The following ARHGEF28 variants were observed in gnomAD, a reference collection of about 807,000 sequenced individuals.
ARHGEF28 encodes the protein Rho guanine nucleotide exchange factor 28.
A neutral mutation model predicts 206.6 loss-of-function variants in ARHGEF28; 152 were observed. The ratio of observed to expected loss-of-function variants is 0.74; its 90% CI spans 0.64 to 0.84. ARHGEF28 has a LOEUF of 0.84. Among genes scored for constraint, ARHGEF28 ranks in the 40% least tolerant of loss-of-function variants. The probability of loss-of-function intolerance (pLI) is 0.00; values close to 1 mark genes in which losing one functional copy is unlikely to be tolerated. For synonymous variants in ARHGEF28, 763 were observed against 776.4 expected, an observed-to-expected ratio of 0.98 and a Z score of 0.29; for missense variants, 2,028 against 2,073.2, an observed-to-expected ratio of 0.98 and a Z score of 0.42.
intron 2 of ARHGEF28, among the ~76,000 whole-genome samples, chr5:73,691,657 A>G (rs1332264676): frequency 6.6e-6 from 1 of 152,210 alleles, no homozygotes; most frequent in East Asian, 1.9e-4. Context: ...CTGTATTCAT[A>G]TATACATATA....
chr5:73,784,064 C>G (rs528983221), intron 7 of ARHGEF28, among the ~76,000 whole-genome samples: 54 of 151,850 alleles, frequency 3.6e-4, no homozygotes, highest in Non-Finnish European at 6.2e-4. Context: ...TTTGTCCATT[C>G]ATGAGTCTGG....
chr5:73,652,579 T>A (rs1351671421), intron 1 of ARHGEF28, among the ~76,000 whole-genome samples: 1 of 152,158 alleles, frequency 6.6e-6, no homozygotes, highest in African/African-American at 2.4e-5. Context: ...TAATAAGAAA[T>A]AAAGAGTCTT....
At chr5:73,741,385 G>GTATATATATATA (rs67973637) in intron 2 of ARHGEF28, among the ~76,000 whole-genome samples, 3 of 21,856 alleles carry the variant, frequency 1.4e-4, no homozygotes, top group Non-Finnish European at 2.3e-4. Context: ...GTGTGTGTGT[G>GTATATATATATA]TATATATATA....
At chr5:73,783,347 T>C (rs1753957376) in intron 7 of ARHGEF28, among the ~76,000 whole-genome samples, 1 of 68,564 alleles carries the variant, frequency 1.5e-5, no homozygotes, top group Non-Finnish European at 2.7e-5. Context: ...TGGAATATAG[T>C]GTGTGTGTGT....
chr5:73,742,320 G>A (rs1751481527), intron 2 of ARHGEF28, among the ~76,000 whole-genome samples: 1 of 151,972 alleles, frequency 6.6e-6, no homozygotes, highest in Non-Finnish European at 1.5e-5. Flanking sequence ...TGCTGATATA[G>A]TTGGATGTAT....
At chr5:73,639,165 A>C (rs897508051) in intron 1 of ARHGEF28, among the ~76,000 whole-genome samples, 10 of 151,430 alleles carry the variant, frequency 6.6e-5, no homozygotes, top group African/African-American at 1.9e-4. Context: ...GGCCAAACTT[A>C]CATGAAGTAT....
At chr5:73,925,482 G>T (rs532020015) in intron 35 of ARHGEF28, among the ~76,000 whole-genome samples, 1 of 152,304 alleles carries the variant, frequency 6.6e-6, no homozygotes, top group African/African-American at 2.4e-5. Context: ...TTTGCTTTAT[G>T]CAGTTTATTT....
rs371485993 is a variant in ARHGEF28 at position 73,901,233 on chromosome 5, C to T, written c.4023C>T (p.Pro1341=). The T allele has an allele frequency of 5.0e-5, 81 of 1,613,004 alleles. No individual in the cohort carries two copies. Among genetic ancestry groups the T allele is most frequent in the Non-Finnish European group, 6.2e-5 (73 of 1,179,578 alleles). The change falls in exon 31 of 36, where the codon CCC becomes CCT. Residue 1341 remains proline, a synonymous_variant. Transcript: ENST00000513042. ...REGRGCSDVD[P]GIQGVVTDLA... is the part of the protein sequence containing the mutation. ...GAAGAGGCTGTTCGGATGTGGATCC[C>T]GGGATCCAGGGTGTGGTAACCGACT... is the stretch of plus-strand genomic sequence containing the variant.
chr5:73,705,255 C>T (rs1748866336), intron 2 of ARHGEF28, among the ~76,000 whole-genome samples: 1 of 152,138 alleles, frequency 6.6e-6, no homozygotes, highest in African/African-American at 2.4e-5. Flanking sequence ...GCAACCCAAC[C>T]ACTGAATCAG....
chr5:73,765,620 T>C (rs1752851807), intron 4 of ARHGEF28, among the ~76,000 whole-genome samples: 1 of 152,234 alleles, frequency 6.6e-6, no homozygotes, highest in East Asian at 1.9e-4. Flanking sequence ...AGTATCTGTA[T>C]TTTATTCTGA....
intron 35 of ARHGEF28, among the ~76,000 whole-genome samples, chr5:73,917,130 G>A (rs1206733692): frequency 6.6e-6 from 1 of 152,172 alleles, no homozygotes; most frequent in Non-Finnish European, 1.5e-5. Flanking sequence ...GGAATTGTGA[G>A]TGCTCTGATT....
intron 11 of ARHGEF28, among the ~76,000 whole-genome samples, chr5:73,843,593 G>A (rs1758122812): frequency 1.3e-5 from 2 of 152,136 alleles, no homozygotes; most frequent in Non-Finnish European, 2.9e-5. Flanking sequence ...AAATTTGGGG[G>A]CACACAGTAA....
chr5:73,664,900 C>G (rs1745851357), intron 1 of ARHGEF28, among the ~76,000 whole-genome samples: 1 of 152,160 alleles, frequency 6.6e-6, no homozygotes. Flanking sequence ...TATGCTTCTC[C>G]TTGGTCAATG....
At chr5:73,821,606 G>T (rs1402976738) in intron 9 of ARHGEF28, among the ~76,000 whole-genome samples, 3 of 152,136 alleles carry the variant, frequency 2.0e-5, no homozygotes, top group African/African-American at 7.2e-5. Context: ...GGAGTCACTT[G>T]AAGTGGTCTT....
chr5:73,859,148 A>T (rs536863876), intron 16 of ARHGEF28, among the ~76,000 whole-genome samples: 3 of 152,218 alleles, frequency 2.0e-5, no homozygotes, highest in African/African-American at 7.2e-5. Flanking sequence ...CTAACTTACT[A>T]TACAGTTTGC....
At chr5:73,714,550 C>T (rs1749455473) in intron 2 of ARHGEF28, among the ~76,000 whole-genome samples, 1 of 152,162 alleles carries the variant, frequency 6.6e-6, no homozygotes, top group Non-Finnish European at 1.5e-5. Flanking sequence ...ATTCTGAGGA[C>T]ATCCTGTGTT....
chr5:73,627,774 C>A (rs1743099194), intron 1 of ARHGEF28, among the ~76,000 whole-genome samples: 1 of 152,156 alleles, frequency 6.6e-6, no homozygotes, highest in Non-Finnish European at 1.5e-5. Flanking sequence ...GATCTTATAG[C>A]TAATGGTTAG....
chr5:73,686,137 C>T (rs1345028915), intron 2 of ARHGEF28, among the ~76,000 whole-genome samples: 1 of 152,116 alleles, frequency 6.6e-6, no homozygotes, highest in Non-Finnish European at 1.5e-5. Context: ...CTAGTACTCT[C>T]TCTAGGTTGT....
At chr5:73,732,251 A>T (rs1750665423) in intron 2 of ARHGEF28, among the ~76,000 whole-genome samples, 1 of 151,254 alleles carries the variant, frequency 6.6e-6, no homozygotes, top group African/African-American at 2.4e-5. Flanking sequence ...CTTGGCAACC[A>T]CTGGGTTTTT....
Sources: allele counts gnomAD v4.1 joint callset (sites outside exome capture counted in the v4.1 genomes callset), GRCh38; gene constraint gnomAD v4.1.1; transcripts MANE v1.5; gene names NCBI Gene and HGNC (gene_info 2026-07-23, HGNC 2026-07-21).